The following TRPC6 variants were observed in gnomAD, a reference collection of about 807,000 sequenced individuals.
The protein encoded by TRPC6 is transient receptor potential cation channel subfamily C member 6, also known as short transient receptor potential channel 6.
Under a neutral mutation model 90.7 loss-of-function variants are expected in TRPC6, and 55 were observed. The observed-to-expected ratio is 0.61, with a 90% CI of 0.49 to 0.76. TRPC6 has a LOEUF of 0.76. Among genes scored for constraint, TRPC6 ranks in the 30% least tolerant of loss-of-function variants. The pLI is 0.00. For synonymous variants in TRPC6, 393 were observed against 393.0 expected, an observed-to-expected ratio of 1.00 and a Z score of 0.00; for missense variants, 989 against 1,122.7, an observed-to-expected ratio of 0.88 and a Z score of 1.70.
chr11:101,475,050 C>G (rs188834089), intron 6 of TRPC6, among the ~76,000 whole-genome samples: 18 of 152,216 alleles, frequency 1.2e-4, no homozygotes, highest in Admixed American at 1.0e-3. Flanking sequence ...GATATGTCTG[C>G]CTAATTCTGG....
At chr11:101,465,268 G>A (rs1859115471) in intron 10 of TRPC6, among the ~76,000 whole-genome samples, 1 of 151,946 alleles carries the variant, frequency 6.6e-6, no homozygotes, top group Non-Finnish European at 1.5e-5. Context: ...ATGTGTCTTG[G>A]GGTTGCTCTT....
In TRPC6 at chr11:101,568,559, C is replaced by T. The variant is rs539488495; in HGVS notation, c.170+14775G>A. On this transcript the variant is annotated intron_variant, in intron 1 of 12. Coordinates refer to ENST00000344327, the MANE Select transcript of TRPC6 (RefSeq NM_004621.6). ...GAATAGCAACACCAAGACACATAATCGTCAGATTCACCAAGGGTGAAATGA... is the reference window on the plus strand; with the variant it reads ...GAATAGCAACACCAAGACACATAATTGTCAGATTCACCAAGGGTGAAATGA... Among the ~76,000 whole-genome samples the T allele has an allele frequency of 3.3e-5, 5 of 152,172 alleles. No homozygotes were observed. In the South Asian group the frequency reaches 8.3e-4, roughly 25 times the overall value.
chr11:101,505,852 A>G (rs924430974), intron 1 of TRPC6, among the ~76,000 whole-genome samples: 5 of 152,038 alleles, frequency 3.3e-5, no homozygotes, highest in Admixed American at 6.6e-5. Context: ...ATCTCTGCAA[A>G]TAATAGAAAA....
At chr11:101,457,168 T>C (rs1230112541) in intron 10 of TRPC6, among the ~76,000 whole-genome samples, 1 of 152,154 alleles carries the variant, frequency 6.6e-6, no homozygotes, top group Admixed American at 6.6e-5. Context: ...TATACTGTCA[T>C]AGAGGTTGGA....
chr11:101,476,078 G>C (rs1379023520), intron 6 of TRPC6, among the ~76,000 whole-genome samples: 1 of 152,074 alleles, frequency 6.6e-6, no homozygotes, highest in African/African-American at 2.4e-5. Flanking sequence ...AGAGATAAAG[G>C]GAGATGAGTC....
Position 101,491,377 on chromosome 11 carries a change from T to G in TRPC6, c.1128+179A>C, listed in dbSNP as rs1431953551. 1.4e-5 allele frequency: 9 copies of G among 651,990 alleles called. No individual in the cohort carries two copies. In the South Asian group the frequency reaches 1.6e-4, roughly 12 times the overall value. The allele number at this position is 651,990 out of a possible 1,614,324, so 40.4% of individuals were successfully genotyped here. ...TGAACCCGGGAGGCGGAGCTTGCAGTGAGCCGAGATCGCACCACTGCACTC... is the reference window on the plus strand; with the variant it reads ...TGAACCCGGGAGGCGGAGCTTGCAGGGAGCCGAGATCGCACCACTGCACTC... On this transcript the variant is annotated intron_variant, in intron 3 of 12. Transcript: ENST00000344327.
intron 2 of TRPC6, among the ~76,000 whole-genome samples, chr11:101,495,628 ATTATT>A: frequency 7.2e-6 from 1 of 138,260 alleles, no homozygotes; most frequent in African/African-American, 2.6e-5. Context: ...TATTATTATT[ATTATT>A]ATCATTGTTT....
chr11:101,488,836 C>G (rs1016444150), intron 4 of TRPC6, 101 bp downstream of exon 4: 11 of 1,326,514 alleles, frequency 8.3e-6, no homozygotes, highest in Admixed American at 1.8e-5. Context: ...TTACTGAAAC[C>G]CAACTGTGAT....
At chr11:101,469,649 G>C (rs969346986) in intron 9 of TRPC6, 148 bp from the exon 10 acceptor site, 1 of 577,506 alleles carries the variant, frequency 1.7e-6, no homozygotes, top group Non-Finnish European at 3.1e-6. Context: ...GCAAGTGCTT[G>C]CTTAGACATT....
rs149742691 is a variant in TRPC6 at position 101,462,952 on chromosome 11, G to A, written c.2484+6475C>T. ...ATGATATTGGCTGTGGGTTTGTCATGAATAGCTCTTATTATTTTAAGATAC... is the reference window on the plus strand; with the variant it reads ...ATGATATTGGCTGTGGGTTTGTCATAAATAGCTCTTATTATTTTAAGATAC... On this transcript the variant is annotated intron_variant, in intron 10 of 12. Coordinates refer to ENST00000344327, the MANE Select transcript of TRPC6 (RefSeq NM_004621.6). Among the ~76,000 whole-genome samples, 391 of 152,172 alleles carry A rather than the reference G, an allele frequency of 2.6e-3. 2 individuals carry two copies. The highest frequency in any genetic ancestry group is 6.8e-3 in the Middle Eastern group (2 of 294).
At chr11:101,469,193 G>GTA (rs1859226266) in intron 10 of TRPC6, among the ~76,000 whole-genome samples, 1 of 152,002 alleles carries the variant, frequency 6.6e-6, no homozygotes. Flanking sequence ...ATCACCATAA[G>GTA]TATATATATG....
chr11:101,566,719 A>G (rs1861840943), intron 1 of TRPC6, among the ~76,000 whole-genome samples: 1 of 152,176 alleles, frequency 6.6e-6, no homozygotes, highest in Non-Finnish European at 1.5e-5. Flanking sequence ...CAGTGGGTGC[A>G]ACACAAGGAG....
At chr11:101,509,224 G>A (rs375135137) in intron 1 of TRPC6, among the ~76,000 whole-genome samples, 2 of 150,500 alleles carry the variant, frequency 1.3e-5, no homozygotes, top group Non-Finnish European at 2.9e-5. Context: ...TCAGCCTCCT[G>A]TGTAGCTGGG....
At chr11:101,495,033 G>A (rs1284755350) in intron 2 of TRPC6, among the ~76,000 whole-genome samples, 1 of 152,192 alleles carries the variant, frequency 6.6e-6, no homozygotes, top group Admixed American at 6.5e-5. Flanking sequence ...TATGATTTTG[G>A]TTCCTTGAGA....
In TRPC6 at chr11:101,452,618, CG is replaced by C; in HGVS notation, c.*336del. ...AGAGGAAAAACCGCATGGGGAGTAA[CG>C]TGGGTCAGCCCCTGTCCGCTGGGAC... On this transcript the variant is annotated 3_prime_UTR_variant, in exon 13 of 13. Coordinates refer to ENST00000344327, the MANE Select transcript of TRPC6 (RefSeq NM_004621.6). 3.9e-6 allele frequency: 1 copy of C among 256,730 alleles called. No individual in the cohort carries two copies. The highest frequency in any genetic ancestry group is 5.0e-5 in the Admixed American group (1 of 20,156). The allele number at this position is 256,730 out of a possible 1,614,324, so 15.9% of individuals were successfully genotyped here.
intron 1 of TRPC6, among the ~76,000 whole-genome samples, chr11:101,522,867 G>GA (rs1860692486): frequency 6.6e-6 from 1 of 152,058 alleles, no homozygotes; most frequent in Admixed American, 6.6e-5. Flanking sequence ...AATTATTTGA[G>GA]AAAATCCATA....
chr11:101,567,676 A>T (rs184703295), intron 1 of TRPC6, among the ~76,000 whole-genome samples: 4 of 152,344 alleles, frequency 2.6e-5, no homozygotes, highest in African/African-American at 9.6e-5. Context: ...AGGAACAGGC[A>T]GCAATCTGGG....
At chr11:101,579,769 T>C in intron 1 of TRPC6, among the ~76,000 whole-genome samples, 1 of 152,174 alleles carries the variant, frequency 6.6e-6, no homozygotes, top group East Asian at 1.9e-4. Context: ...CTAGCCTACA[T>C]TTTTATTTAA....
At chr11:101,530,405 G>A (rs918687500) in intron 1 of TRPC6, among the ~76,000 whole-genome samples, 15 of 152,022 alleles carry the variant, frequency 9.9e-5, no homozygotes, top group Non-Finnish European at 1.5e-4. Flanking sequence ...GCCTGTCCAG[G>A]AACCTGGCAG....
Sources: gnomAD v4.1 joint callset for allele counts (sites outside exome capture counted in the v4.1 genomes callset) on GRCh38, gnomAD v4.1.1 for gene constraint, MANE v1.5 for transcripts, NCBI Gene and HGNC (gene_info 2026-07-23, HGNC 2026-07-21) for gene names.